Variants in WDHD1 observed in about 807,000 individuals in gnomAD.
The protein encoded by WDHD1 is WD repeat and HMG-box DNA-binding protein 1.
In WDHD1, 111 loss-of-function variants were observed where a neutral mutation model predicts 135.4. That is an observed-to-expected ratio of 0.82 (90% CI 0.70 to 0.96). The LOEUF (loss-of-function observed/expected upper bound fraction) is 0.96. Among genes scored for constraint, WDHD1 ranks in the 40% least tolerant of loss-of-function variants. The pLI is 0.00. For synonymous variants in WDHD1, 434 were observed against 439.0 expected (o/e 0.99, Z 0.14); for missense variants, 1,351 against 1,336.3 (o/e 1.01, Z -0.17).
chr14:54,987,020 C>T (rs907467853), intron 14 of WDHD1, 126 bp downstream of exon 14: 10 of 1,124,888 alleles, frequency 8.9e-6, no homozygotes, highest in Non-Finnish European at 1.3e-5. Context: ...AAATTATCTA[C>T]ATTTAAAGAT....
At chr14:55,008,166 T>A (rs2042103970) in intron 6 of WDHD1, 150 bp downstream of exon 6, 1 of 662,690 alleles carries the variant, frequency 1.5e-6, no homozygotes, top group African/African-American at 1.8e-5. Flanking sequence ...ACTAGAATAC[T>A]GTGGACTTTG....
intron 16 of WDHD1, among the ~76,000 whole-genome samples, chr14:54,970,238 A>C (rs923741993): frequency 6.6e-6 from 1 of 152,164 alleles, no homozygotes; most frequent in Non-Finnish European, 1.5e-5. Flanking sequence ...AAGAAGTCAA[A>C]TATCTCTCCA....
intron 2 of WDHD1, among the ~76,000 whole-genome samples, chr14:55,018,554 T>C (rs1325770438): frequency 6.6e-6 from 1 of 152,090 alleles, no homozygotes. Context: ...CTTGATGAAT[T>C]TTGTCCTTAA....
chr14:54,984,061 C>T (rs1290801548), intron 15 of WDHD1, among the ~76,000 whole-genome samples: 2 of 152,158 alleles, frequency 1.3e-5, no homozygotes, highest in African/African-American at 4.8e-5. Flanking sequence ...AACAGTGAAG[C>T]TCTAGAAAAT....
At chr14:54,969,348 A>G (rs2041395760) in intron 16 of WDHD1, among the ~76,000 whole-genome samples, 1 of 151,718 alleles carries the variant, frequency 6.6e-6, no homozygotes. Flanking sequence ...TTCAAGAAAA[A>G]AAAAAAAAAA....
At chr14:54,992,928 A>G (rs995733727) in intron 11 of WDHD1, among the ~76,000 whole-genome samples, 1 of 152,138 alleles carries the variant, frequency 6.6e-6, no homozygotes, top group Admixed American at 6.6e-5. Flanking sequence ...ACAAAAATTA[A>G]TTAATTAAAA....
intron 16 of WDHD1, among the ~76,000 whole-genome samples, chr14:54,968,636 A>C (rs1384986523): frequency 3.3e-5 from 5 of 152,206 alleles, no homozygotes; most frequent in African/African-American, 1.2e-4. Flanking sequence ...AAAGAAAAGA[A>C]GAGGGAAGCT....
In WDHD1 at chr14:54,949,312, C is replaced by G. The variant is rs558478994; in HGVS notation, c.3051-4842G>C. On this transcript the variant is annotated intron_variant, in intron 24 of 25. Transcript: ENST00000360586. ...CAGTGTAGAGAACTCCTCAAATGAC[C>G]TGATGGAGCTGAAAACCATGGCACG... 5.9e-5 allele frequency among the ~76,000 whole-genome samples: 9 copies of G among 152,232 alleles called. No homozygotes were observed. In the East Asian group the frequency reaches 1.7e-3, roughly 29 times the overall value.
Position 54,995,784 on chromosome 14 carries a change from A to G in WDHD1, c.972T>C (p.Asn324=), listed in dbSNP as rs1475116140. 6.2e-7 allele frequency: 1 copy of G among 1,607,446 alleles called. No individual in the cohort carries two copies. The highest frequency in any genetic ancestry group is 1.7e-5 in the Admixed American group (1 of 58,638). The change falls in exon 11 of 26, where the codon AAT becomes AAC. Residue 324 remains asparagine (N), a synonymous_variant. Transcript: ENST00000360586. The part of the protein sequence containing the change: ...KVSSRVEKDY[N]DLFDGDDMSN... Reference sequence around the variant, plus strand: ...TCATATCATCTCCATCAAAAAGATCATTATAATCCTTTTCCACTCTGCTAG... The same window carrying G: ...TCATATCATCTCCATCAAAAAGATCGTTATAATCCTTTTCCACTCTGCTAG...
intron 22 of WDHD1, 74 bp downstream of exon 22, chr14:54,957,518 T>A (rs1177332453): frequency 7.7e-7 from 1 of 1,307,144 alleles, no homozygotes; most frequent in East Asian, 2.5e-5. Context: ...GGGAGAGTCA[T>A]CTCATCATTT....
chr14:54,974,493 G>T (rs77655308), intron 16 of WDHD1, among the ~76,000 whole-genome samples: 3,259 of 55,758 alleles, frequency 0.058, 88 homozygotes, highest in African/African-American at 0.22. Flanking sequence ...GTTTTGTTTT[G>T]TTTTTTTTTT....
chr14:54,981,065 C>CA (rs2041611995), intron 16 of WDHD1, among the ~76,000 whole-genome samples: 1 of 152,170 alleles, frequency 6.6e-6, no homozygotes, highest in South Asian at 2.1e-4. Context: ...GAGCTGAGAT[C>CA]ACGCCACTAC....
At chr14:54,983,032 T>G (rs1390455387) in intron 15 of WDHD1, among the ~76,000 whole-genome samples, 2 of 151,896 alleles carry the variant, frequency 1.3e-5, no homozygotes, top group Non-Finnish European at 2.9e-5. Flanking sequence ...GGCGTGGTGG[T>G]ATGTGCCTGT....
chr14:55,005,919 C>T (rs1394361918), intron 7 of WDHD1, among the ~76,000 whole-genome samples: 1 of 151,938 alleles, frequency 6.6e-6, no homozygotes, highest in Admixed American at 6.6e-5. Flanking sequence ...GGCTGGAGTA[C>T]AGTGACAAGA....
intron 7 of WDHD1, 51 bp downstream of exon 7, chr14:55,007,229 A>AAC: frequency 7.4e-7 from 1 of 1,348,038 alleles, no homozygotes. Flanking sequence ...CTCCATCTCT[A>AAC]ATAAAAAAAA....
At chr14:54,985,807 A>T (rs1277520288) in intron 14 of WDHD1, among the ~76,000 whole-genome samples, 1 of 152,254 alleles carries the variant, frequency 6.6e-6, no homozygotes, top group Non-Finnish European at 1.5e-5. Flanking sequence ...ACATGATGAT[A>T]TAATTTTACT....
chr14:55,019,342 A>G (rs1167187177), intron 2 of WDHD1, among the ~76,000 whole-genome samples: 1 of 152,216 alleles, frequency 6.6e-6, no homozygotes, highest in Admixed American at 6.5e-5. Context: ...TTGTTAATTT[A>G]CATATTCCTA....
chr14:54,962,820 T>G lies in WDHD1; in HGVS notation c.2565A>C (p.Pro855=). ...YSNTATEWSQ[P]RFRNQVEEDA... is the part of the protein sequence containing the mutation. ...CTTCTTCAACTTGATTTCTGAACCTTGGTTGGCTCCACTCTGTAGCAGTAT... is the reference window on the plus strand; with the variant it reads ...CTTCTTCAACTTGATTTCTGAACCTGGGTTGGCTCCACTCTGTAGCAGTAT... The change falls in exon 20 of 26, where the codon CCA becomes CCC. Residue 855 remains proline (P), a synonymous_variant. Transcript: ENST00000360586. 2 of 1,613,114 alleles carry G rather than the reference T, an allele frequency of 1.2e-6. No individual in the cohort carries two copies. Among genetic ancestry groups the G allele is most frequent in the Non-Finnish European group, 1.7e-6 (2 of 1,180,006 alleles).
intron 15 of WDHD1, among the ~76,000 whole-genome samples, chr14:54,982,164 G>A (rs1287093467): frequency 1.3e-5 from 2 of 151,598 alleles, no homozygotes; most frequent in Non-Finnish European, 2.9e-5. Flanking sequence ...CCGCCACCAC[G>A]CCCAGCTAAT....
Sources: allele counts gnomAD v4.1 joint callset (sites outside exome capture counted in the v4.1 genomes callset), GRCh38; gene constraint gnomAD v4.1.1; transcripts MANE v1.5; gene names NCBI Gene and HGNC (gene_info 2026-07-23, HGNC 2026-07-21).